Variants in SFT2D2 observed in about 807,000 individuals in gnomAD.
SFT2D2 encodes the protein vesicle transport protein SFT2B.
In SFT2D2, 21 loss-of-function variants were observed where a neutral mutation model predicts 27.4. The ratio of observed to expected loss-of-function variants is 0.77; its 90% CI spans 0.54 to 1.10. The LOEUF is 1.10. SFT2D2 is among the 50% of genes least tolerant of loss of function. SFT2D2 has a pLI of 0.00. For synonymous variants in SFT2D2, 72 were observed against 71.7 expected, an observed-to-expected ratio of 1.00 and a Z score of -0.02; for missense variants, 187 against 194.2, an observed-to-expected ratio of 0.96 and a Z score of 0.22.
In SFT2D2 at chr1:168,243,825, A is replaced by AGCC. The variant is rs1647718922; in HGVS notation, c.*1286_*1288dup. On this transcript the variant is annotated 3_prime_UTR_variant, in exon 8 of 8. Transcript: ENST00000271375. Reference sequence around the variant, plus strand: ...CTGTTTCCCTCGTTTTCATCAGCCAAGCCATCTCCTCCCTGGCCCTCCCTG... The same window carrying AGCC: ...CTGTTTCCCTCGTTTTCATCAGCCAAGCCGCCATCTCCTCCCTGGCCCTCCCTG... 2 of 153,012 alleles carry AGCC rather than the reference A, an allele frequency of 1.3e-5. No homozygotes were observed. Among genetic ancestry groups the AGCC allele is most frequent in the Non-Finnish European group, 2.9e-5 (2 of 68,700 alleles). 9.5% of individuals were successfully genotyped at this position (153,012 alleles called of 1,614,324 possible). A position where few individuals can be genotyped will look rare whatever the true frequency, so the allele number is the denominator to read the frequency against.
At chr1:168,241,445 G>A (rs1001927100) in intron 7 of SFT2D2, among the ~76,000 whole-genome samples, 5 of 151,632 alleles carry the variant, frequency 3.3e-5, no homozygotes, top group East Asian at 3.9e-4. Flanking sequence ...GGCCCACCTC[G>A]GCCTCCCAAA....
intron 7 of SFT2D2, 62 bp from the exon 8 acceptor site, chr1:168,242,439 C>T (rs1337268725): frequency 3.1e-6 from 5 of 1,602,398 alleles, no homozygotes; most frequent in Non-Finnish European, 4.3e-6. Flanking sequence ...TCTGGGTGCC[C>T]TCTAAAGGAG....
At chr1:168,239,830 CTT>C (rs71557622) in intron 7 of SFT2D2, among the ~76,000 whole-genome samples, 2,179 of 139,494 alleles carry the variant, frequency 0.016, 47 homozygotes, top group African/African-American at 0.049. Context: ...AACTTCTGTT[CTT>C]TTTTTTTTTT....
In SFT2D2 at chr1:168,251,401, G is replaced by A. The variant is rs114497067; in HGVS notation, c.*8861G>A. On this transcript the variant is annotated 3_prime_UTR_variant, in exon 8 of 8. Transcript: ENST00000271375. ...CATATCTTAAAGTGTGGAGGATCTG[G>A]CTTGGCTTCTGTTTTTGATAGCTCT... 6.6e-6 allele frequency: 1 copy of A among 152,088 alleles called. No homozygotes were observed. The highest frequency in any genetic ancestry group is 2.4e-5 in the African/African-American group (1 of 41,418). 9.4% of individuals were successfully genotyped at this position (152,088 alleles called of 1,614,324 possible). A position where few individuals can be genotyped will look rare whatever the true frequency, so the allele number is the denominator to read the frequency against.
Position 168,226,014 on chromosome 1 carries a change from G to A in SFT2D2, c.-66G>A. The A allele has an allele frequency of 2.8e-6, 4 of 1,423,874 alleles. No individual in the cohort carries two copies. The highest frequency in any genetic ancestry group is 5.0e-5 in the Admixed American group (2 of 39,912). 88.2% of individuals were successfully genotyped at this position (1,423,874 alleles called of 1,614,324 possible). A position where few individuals can be genotyped will look rare whatever the true frequency, so the allele number is the denominator to read the frequency against. On this transcript the variant is annotated 5_prime_UTR_variant, in exon 1 of 8. Transcript: ENST00000271375. ...GGGCGGCTGCCTAGCACCCGGAAGA[G>A]CCGTCAACTTAGCGAGCGCAACAGG...
In SFT2D2 at chr1:168,245,036, A is replaced by G. The variant is rs1176805956; in HGVS notation, c.*2496A>G. 2 of 152,218 alleles carry G rather than the reference A, an allele frequency of 1.3e-5. No individual in the cohort carries two copies. Among genetic ancestry groups the G allele is most frequent in the East Asian group, 3.8e-4 (2 of 5,196 alleles). The allele number at this position is 152,218 out of a possible 1,614,324, so 9.4% of individuals were successfully genotyped here. A position where few individuals can be genotyped will look rare whatever the true frequency, so the allele number is the denominator to read the frequency against. On this transcript the variant is annotated 3_prime_UTR_variant, in exon 8 of 8. Transcript: ENST00000271375. ...AGATTGAGAATAAGACAGAGATGTCAACTCTTACCACTTCTATTCAACGTT... is the reference window on the plus strand; with the variant it reads ...AGATTGAGAATAAGACAGAGATGTCGACTCTTACCACTTCTATTCAACGTT...
At chr1:168,236,525 GTTTTGAGTTTTT>G in intron 4 of SFT2D2, 52 bp from the exon 5 acceptor site, 9 of 1,514,488 alleles carry the variant, frequency 5.9e-6, no homozygotes, top group Non-Finnish European at 8.1e-6. Context: ...AGAATAACAA[GTTTTGAGTTTTT>G]TTTTTCCTGC....
intron 6 of SFT2D2, among the ~76,000 whole-genome samples, chr1:168,237,137 A>G (rs78021206): frequency 3.9e-3 from 591 of 152,368 alleles, no homozygotes; most frequent in African/African-American, 0.014. Context: ...TGTGAGTCCA[A>G]TAGAGGTTAA....
Position 168,250,826 on chromosome 1 carries a change from T to A in SFT2D2, c.*8286T>A, listed in dbSNP as rs1647935076. ...AGATCCTAGCTCAAGATGTCTTGTC[T>A]GGGAAGGGCAAAACATGGTCCCCAG... On this transcript the variant is annotated 3_prime_UTR_variant, in exon 8 of 8. Transcript: ENST00000271375. 1 of 152,244 alleles carries A rather than the reference T, an allele frequency of 6.6e-6. No homozygotes were observed. The highest frequency in any genetic ancestry group is 1.5e-5 in the Non-Finnish European group (1 of 68,094). 9.4% of individuals were successfully genotyped at this position (152,244 alleles called of 1,614,324 possible). A position where few individuals can be genotyped will look rare whatever the true frequency, so the allele number is the denominator to read the frequency against.
At chr1:168,231,301 A>G (rs111891158) in intron 1 of SFT2D2, among the ~76,000 whole-genome samples, 2,170 of 152,316 alleles carry the variant, frequency 0.014, 57 homozygotes, top group African/African-American at 0.05. Context: ...CTGGAGGCAC[A>G]GCTGTCAGCT....
Position 168,231,547 on chromosome 1 carries a change from A to G in SFT2D2, c.97A>G (p.Arg33Gly). The G allele has an allele frequency of 6.2e-7, 1 of 1,613,886 alleles. No individual in the cohort carries two copies. The highest frequency in any genetic ancestry group is 1.1e-5 in the South Asian group (1 of 91,080). ...GGCATCTTCATTAAGCTGGAGTACC[A>G]GGATAAAAGGCTTCATTGCGTGTTT... ...VEASSLSWSTRIKGFIACFAI... is the reference protein window; with the variant it reads ...VEASSLSWSTGIKGFIACFAI... The change falls in exon 2 of 8, where the codon AGG (arginine) becomes GGG (glycine). Residue 33 changes from arginine to glycine, a missense_variant. Arg to Gly is a moderately radical substitution (Grantham distance 125). Transcript: ENST00000271375.
In SFT2D2 at chr1:168,246,625, A is replaced by C. The variant is rs946077941; in HGVS notation, c.*4085A>C. The C allele has an allele frequency of 1.4e-6, 2 of 1,439,322 alleles. No individual in the cohort carries two copies. Among genetic ancestry groups the C allele is most frequent in the Non-Finnish European group, 1.9e-6 (2 of 1,040,322 alleles). The allele number at this position is 1,439,322 out of a possible 1,614,324, so 89.2% of individuals were successfully genotyped here. A position where few individuals can be genotyped will look rare whatever the true frequency, so the allele number is the denominator to read the frequency against. On this transcript the variant is annotated 3_prime_UTR_variant, in exon 8 of 8. Transcript: ENST00000271375. Reference sequence around the variant, plus strand: ...ACGCAATTTATCTACTGTGCCCTGGAAATCAAGCTCTTGGTCTCTTTCTGT... The same window carrying C: ...ACGCAATTTATCTACTGTGCCCTGGCAATCAAGCTCTTGGTCTCTTTCTGT...
At chr1:168,231,389 AGT>A (rs1019944921) in intron 1 of SFT2D2, 123 bp from the exon 2 acceptor site, 2 of 727,626 alleles carry the variant, frequency 2.7e-6, no homozygotes, top group South Asian at 1.7e-5. Flanking sequence ...ACATCGCCTG[AGT>A]GTGTAGGATT....
At chr1:168,235,282 C>T (rs186578252) in intron 4 of SFT2D2, 100 bp downstream of exon 4, 125 of 1,174,458 alleles carry the variant, frequency 1.1e-4, no homozygotes, top group African/African-American at 9.2e-4. Context: ...TCTCTTTTTC[C>T]GTTCAGCTTG....
intron 7 of SFT2D2, among the ~76,000 whole-genome samples, chr1:168,239,410 T>C (rs960504478): frequency 6.6e-5 from 10 of 151,844 alleles, no homozygotes; most frequent in Admixed American, 6.6e-5. Context: ...TTATATATGG[T>C]GCATATATGC....
At chr1:168,230,010 G>C (rs1383862821) in intron 1 of SFT2D2, among the ~76,000 whole-genome samples, 1 of 152,164 alleles carries the variant, frequency 6.6e-6, no homozygotes, top group East Asian at 1.9e-4. Flanking sequence ...TCTGTGCAGG[G>C]TCATGAGCCC....
Position 168,246,715 on chromosome 1 carries a change from T to C in SFT2D2, c.*4175T>C, listed in dbSNP as rs1450498525. On this transcript the variant is annotated 3_prime_UTR_variant, in exon 8 of 8. Coordinates refer to ENST00000271375, the MANE Select transcript of SFT2D2 (RefSeq NM_199344.3). ...TCTACGATGGTATGATTCCATTTCG[T>C]CAGTCTTTGCCTGCTTTGTTTTTCC... 5 of 989,314 alleles carry C rather than the reference T, an allele frequency of 5.1e-6. No homozygotes were observed. The highest frequency in any genetic ancestry group is 1.8e-5 in the Admixed American group (1 of 55,092). 61.3% of individuals were successfully genotyped at this position (989,314 alleles called of 1,614,324 possible). A position where few individuals can be genotyped will look rare whatever the true frequency, so the allele number is the denominator to read the frequency against.
rs1647871683 is a variant in SFT2D2 at position 168,248,315 on chromosome 1, AGACTTCCTC to A, written c.*5776_*5784del. 6.6e-6 allele frequency: 1 copy of A among 152,170 alleles called. No individual in the cohort carries two copies. The highest frequency in any genetic ancestry group is 2.4e-5 in the African/African-American group (1 of 41,418). The allele number at this position is 152,170 out of a possible 1,614,324, so 9.4% of individuals were successfully genotyped here. The stretch of plus-strand genomic sequence containing the variant: ...TTTATGGTTTTGGGTCTTACGTTTA[AGACTTCCTC>A]TTTTCCTAATTGAATACCCTTTATT... On this transcript the variant is annotated 3_prime_UTR_variant, in exon 8 of 8. Transcript: ENST00000271375.
Position 168,242,481 on chromosome 1 carries a change from T to C in SFT2D2, c.444-20T>C. ...TGGGGTGATGACGTTCCACTCATCT[T>C]TGTGTCTTTTCTTTCCTAGGGATGC... On this transcript the variant is annotated intron_variant, in intron 7 of 7. Coordinates refer to ENST00000271375, the MANE Select transcript of SFT2D2 (RefSeq NM_199344.3). 6.2e-7 allele frequency: 1 copy of C among 1,614,066 alleles called. No homozygotes were observed. The highest frequency in any genetic ancestry group is 8.5e-7 in the Non-Finnish European group (1 of 1,179,938).
Sources: allele counts gnomAD v4.1 joint callset (sites outside exome capture counted in the v4.1 genomes callset), GRCh38; gene constraint gnomAD v4.1.1; transcripts MANE v1.5; gene names NCBI Gene and HGNC (gene_info 2026-07-23, HGNC 2026-07-21).